Variants in IFT27 observed in about 807,000 individuals in gnomAD.
IFT27 encodes the protein intraflagellar transport protein 27 homolog.
A neutral mutation model predicts 23.9 loss-of-function variants in IFT27; 19 were observed. The observed-to-expected ratio is 0.79, with a 90% CI of 0.55 to 1.16. IFT27 has a LOEUF of 1.16. Ranked by LOEUF, IFT27 falls within the 50% of genes most tolerant of loss-of-function variation. The probability of loss-of-function intolerance (pLI) is 0.00; values close to 1 mark genes in which losing one functional copy is unlikely to be tolerated. For missense variants in IFT27, 206 were observed against 228.7 expected, an observed-to-expected ratio of 0.90 and a Z score of 0.64; for synonymous variants, 91 against 89.1, an observed-to-expected ratio of 1.02 and a Z score of -0.12.
chr22:36,769,442 C>A (rs903965572), intron 1 of IFT27, among the ~76,000 whole-genome samples: 1 of 152,204 alleles, frequency 6.6e-6, no homozygotes, highest in East Asian at 1.9e-4. Context: ...GCAACCTCCG[C>A]CTCCCGGGTT....
At chr22:36,773,964 C>T (rs1433637096) in intron 1 of IFT27, among the ~76,000 whole-genome samples, 4 of 151,976 alleles carry the variant, frequency 2.6e-5, no homozygotes, top group African/African-American at 7.3e-5. Flanking sequence ...TGATGAAAAC[C>T]GAATTTAAAA....
chr22:36,768,399 T>C, intron 1 of IFT27: 1 of 281,212 alleles, frequency 3.6e-6, no homozygotes, highest in East Asian at 9.4e-5. Context: ...CATTCTGAAA[T>C]CTCTTTCCAA....
chr22:36,766,109 A>G (rs1282294246), intron 4 of IFT27, 29 bp downstream of exon 4: 1 of 1,592,254 alleles, frequency 6.3e-7, no homozygotes, highest in African/African-American at 1.3e-5. Context: ...AGGTGGTGAC[A>G]GTCAGGAAAA....
intron 6 of IFT27, chr22:36,760,489 A>G (rs1938061268): frequency 1.3e-5 from 2 of 152,234 alleles, no homozygotes; most frequent in Admixed American, 1.3e-4. Flanking sequence ...CACAGTCAGG[A>G]CAGCTGTGGA....
At chr22:36,771,746 G>A (rs913414036) in intron 1 of IFT27, among the ~76,000 whole-genome samples, 4 of 152,148 alleles carry the variant, frequency 2.6e-5, no homozygotes, top group Admixed American at 1.3e-4. Context: ...CTGAAATGAC[G>A]ACTGCGTTTT....
chr22:36,765,887 C>T (rs112737276), intron 4 of IFT27, among the ~76,000 whole-genome samples: 5 of 152,206 alleles, frequency 3.3e-5, no homozygotes, highest in African/African-American at 1.2e-4. Context: ...CTGCAAGGAC[C>T]GAGCCGCAGG....
chr22:36,769,565 G>C (rs1430518793), intron 1 of IFT27, among the ~76,000 whole-genome samples: 1 of 152,182 alleles, frequency 6.6e-6, no homozygotes, highest in Non-Finnish European at 1.5e-5. Flanking sequence ...AGGTTGGCCA[G>C]CCTGATCACA....
At chr22:36,761,521 C>T (rs897444388) in intron 6 of IFT27, 1 of 152,160 alleles carries the variant, frequency 6.6e-6, no homozygotes, top group Non-Finnish European at 1.5e-5. Context: ...AAACAAGATT[C>T]TAGGGGTAAT....
At chr22:36,775,199 C>T (rs1468714343) in intron 1 of IFT27, among the ~76,000 whole-genome samples, 1 of 152,016 alleles carries the variant, frequency 6.6e-6, no homozygotes, top group Non-Finnish European at 1.5e-5. Context: ...CACACAAGTG[C>T]CTTTTGCAAA....
chr22:36,771,928 G>A (rs1048299679), intron 1 of IFT27, among the ~76,000 whole-genome samples: 1 of 151,768 alleles, frequency 6.6e-6, no homozygotes, highest in Admixed American at 6.6e-5. Flanking sequence ...CCATCTCCAC[G>A]GTCAGCCCTA....
intron 1 of IFT27, chr22:36,772,788 AAC>A: frequency 4.1e-6 from 4 of 985,264 alleles, no homozygotes; most frequent in Non-Finnish European, 4.8e-6. Flanking sequence ...TGAGAGAAAA[AAC>A]AGAGTAACTC....
chr22:36,767,687 T>C (rs556676586), intron 2 of IFT27, 96 bp downstream of exon 2: 1 of 1,129,552 alleles, frequency 8.9e-7, no homozygotes, highest in Admixed American at 1.7e-5. Flanking sequence ...TCATCAGCTG[T>C]CTTAAGGCTT....
chr22:36,773,752 G>A (rs1359012734), intron 1 of IFT27, among the ~76,000 whole-genome samples: 1 of 152,178 alleles, frequency 6.6e-6, no homozygotes, highest in Non-Finnish European at 1.5e-5. Flanking sequence ...GGGACCCAGG[G>A]TCTGGATCAT....
chr22:36,765,364 C>T (rs1342983772), intron 4 of IFT27, among the ~76,000 whole-genome samples: 1 of 152,154 alleles, frequency 6.6e-6, no homozygotes, highest in Admixed American at 6.5e-5. Flanking sequence ...TACATCTTCC[C>T]TTCTGCTGGG....
intron 2 of IFT27, 117 bp from the exon 3 acceptor site, chr22:36,767,482 C>A: frequency 1.1e-6 from 1 of 885,740 alleles, no homozygotes; most frequent in South Asian, 1.6e-5. Context: ...AGGGTTTGTT[C>A]TGGACTCATT....
Position 36,762,906 on chromosome 22 carries a change from C to G in IFT27, c.460G>C (p.Val154Leu). 1 of 1,563,410 alleles carries G rather than the reference C, an allele frequency of 6.4e-7. No individual in the cohort carries two copies. Among genetic ancestry groups the G allele is most frequent in the Non-Finnish European group, 8.7e-7 (1 of 1,147,428 alleles). ...GQGLECFETS[V>L]KEMENFEAPF... is the part of the protein sequence containing the mutation. ...ACGAGGCAAGTGGAAATACTCACCA[C>G]GGATGTTTCAAAACATTCCAGGCCC... The change falls in exon 6 of 7, where the codon GTG becomes CTG. Residue 154 changes from valine (V) to leucine (L), a missense_variant and splice_region_variant. Val to Leu is a conservative substitution (Grantham distance 32, BLOSUM62 1). Coordinates refer to ENST00000433985, the MANE Select transcript of IFT27 (RefSeq NM_001177701.3).
At chr22:36,765,489 A>C (rs566563564) in intron 4 of IFT27, among the ~76,000 whole-genome samples, 37 of 145,304 alleles carry the variant, frequency 2.5e-4, no homozygotes, top group African/African-American at 1.0e-3. Context: ...TACTTCTCTT[A>C]GGCAACAAAA....
At chr22:36,769,781 T>C (rs992480352) in intron 1 of IFT27, among the ~76,000 whole-genome samples, 1 of 152,126 alleles carries the variant, frequency 6.6e-6, no homozygotes, top group Non-Finnish European at 1.5e-5. Flanking sequence ...CCTTGGGCCC[T>C]GACTGCACCC....
intron 6 of IFT27, 51 bp from the exon 7 acceptor site, chr22:36,758,460 G>C (rs373367496): frequency 7.3e-7 from 1 of 1,374,026 alleles, no homozygotes; most frequent in African/African-American, 1.4e-5. Flanking sequence ...AGGGTCAGAG[G>C]GCCAGCTCTC....
Sources: gnomAD v4.1 joint callset for allele counts (sites outside exome capture counted in the v4.1 genomes callset) on GRCh38, gnomAD v4.1.1 for gene constraint, MANE v1.5 for transcripts, NCBI Gene and HGNC (gene_info 2026-07-23, HGNC 2026-07-21) for gene names.